The following SGMS1 variants were observed in gnomAD, a reference collection of about 807,000 sequenced individuals.
SGMS1 encodes phosphatidylcholine:ceramide cholinephosphotransferase 1.
A neutral mutation model predicts 46.2 loss-of-function variants in SGMS1; 13 were observed. The observed-to-expected ratio is 0.28, with a 90% CI of 0.18 to 0.45. SGMS1 has a LOEUF of 0.45. SGMS1 is among the 20% of genes least tolerant of loss of function. The pLI is 1.00. For synonymous variants in SGMS1, 203 were observed against 187.8 expected (o/e 1.08, Z -0.66); for missense variants, 324 against 519.9 (o/e 0.62, Z 3.66).
At chr10:50,433,362 AG>A (rs1415001810) in intron 6 of SGMS1, 113 bp downstream of exon 6, 5 of 152,284 alleles carry the variant, frequency 3.3e-5, no homozygotes, top group African/African-American at 9.6e-5. Context: ...TTTATAAAAT[AG>A]TTTCTCTTTT....
chr10:50,343,532 C>A lies in SGMS1; in HGVS notation c.583G>T (p.Val195Leu). ...SICEINGMILVGLWLIQWLLL... is the reference protein window; with the variant it reads ...SICEINGMILLGLWLIQWLLL... Reference sequence around the variant, plus strand: ...AGCCACTGAATTAACCAGAGTCCTACAAGGATCATGCCATTAATTTCACAA... The same window carrying A: ...AGCCACTGAATTAACCAGAGTCCTAAAAGGATCATGCCATTAATTTCACAA... Residue 195 changes from valine to leucine, a missense_variant, in exon 7 of 11, where the codon GTA becomes TTA. Coordinates refer to ENST00000361781, the MANE Select transcript of SGMS1 (RefSeq NM_147156.4). 1 of 1,613,780 alleles carries A rather than the reference C, an allele frequency of 6.2e-7. No homozygotes were observed. Among genetic ancestry groups the A allele is most frequent in the South Asian group, 1.1e-5 (1 of 91,048 alleles).
At position 50,602,288 on chromosome 10, in the gene SGMS1, G is replaced by A. The variant is rs184303795; in HGVS notation, c.-683-12041C>T. On this transcript the variant is annotated intron_variant, in intron 1 of 10. Transcript: ENST00000361781. The stretch of plus-strand genomic sequence containing the variant: ...CCTACTTCCAATAACCAGCCACTCT[G>A]TGGCTCTGCAAATGCAGGGAGAATG... 2.6e-5 allele frequency among the ~76,000 whole-genome samples: 4 copies of A among 152,316 alleles called. No individual in the cohort carries two copies. The East Asian group carries it at 5.8e-4, about 22-fold the overall frequency.
At chr10:50,504,654 G>C (rs1018885158) in intron 3 of SGMS1, among the ~76,000 whole-genome samples, 1 of 152,036 alleles carries the variant, frequency 6.6e-6, no homozygotes, top group African/African-American at 2.4e-5. Flanking sequence ...AGCTATACTT[G>C]TAACCACTAT....
chr10:50,546,332 G>C (rs1360991757), intron 2 of SGMS1, among the ~76,000 whole-genome samples: 1 of 152,142 alleles, frequency 6.6e-6, no homozygotes, highest in Non-Finnish European at 1.5e-5. Context: ...TAGGGCTCTA[G>C]AACTAGAAAT....
chr10:50,318,351 C>T (rs974003062), intron 8 of SGMS1, among the ~76,000 whole-genome samples: 20 of 152,188 alleles, frequency 1.3e-4, no homozygotes, highest in African/African-American at 4.8e-4. Flanking sequence ...AGTTTTCTCA[C>T]CTGTAAAATG....
At chr10:50,510,023 T>C (rs1213489805) in intron 3 of SGMS1, among the ~76,000 whole-genome samples, 1 of 152,186 alleles carries the variant, frequency 6.6e-6, no homozygotes, top group Non-Finnish European at 1.5e-5. Flanking sequence ...ATTTCATTTA[T>C]CTCAAAAATT....
At chr10:50,480,406 C>T (rs1365683440) in intron 3 of SGMS1, among the ~76,000 whole-genome samples, 3 of 151,798 alleles carry the variant, frequency 2.0e-5, no homozygotes, top group East Asian at 1.9e-4. Flanking sequence ...AGAATGAAAA[C>T]GGCGAATGAA....
At chr10:50,598,547 A>G (rs1838618209) in intron 1 of SGMS1, among the ~76,000 whole-genome samples, 1 of 152,224 alleles carries the variant, frequency 6.6e-6, no homozygotes, top group South Asian at 2.1e-4. Context: ...ATGGCTGGAT[A>G]TCTGACAGTT....
chr10:50,414,873 C>G (rs1403813377), intron 6 of SGMS1, among the ~76,000 whole-genome samples: 1 of 152,240 alleles, frequency 6.6e-6, no homozygotes, highest in Non-Finnish European at 1.5e-5. Flanking sequence ...CATTACGCCA[C>G]TGATCATCCC....
intron 6 of SGMS1, among the ~76,000 whole-genome samples, chr10:50,427,987 A>ATG (rs149882980): frequency 1.5e-4 from 23 of 150,484 alleles, no homozygotes; most frequent in East Asian, 9.7e-4. Context: ...GAGAGAGAGA[A>ATG]TGTGTGTGTG....
chr10:50,593,584 A>G (rs1838562786), intron 1 of SGMS1, among the ~76,000 whole-genome samples: 1 of 151,970 alleles, frequency 6.6e-6, no homozygotes, highest in Admixed American at 6.6e-5. Flanking sequence ...TTCCACCACC[A>G]AGATTCACCA....
chr10:50,569,754 A>G (rs1162189101), intron 2 of SGMS1, among the ~76,000 whole-genome samples: 1 of 152,202 alleles, frequency 6.6e-6, no homozygotes, highest in Non-Finnish European at 1.5e-5. Flanking sequence ...GCATGTGGTC[A>G]TTAAAATCAT....
chr10:50,431,995 C>T (rs78302532), intron 6 of SGMS1, among the ~76,000 whole-genome samples: 275 of 152,286 alleles, frequency 1.8e-3, no homozygotes, highest in African/African-American at 6.4e-3. Flanking sequence ...ATTCCAGAAA[C>T]AATATGAGCA....
chr10:50,353,507 C>G (rs927914368), intron 6 of SGMS1, among the ~76,000 whole-genome samples: 2 of 152,418 alleles, frequency 1.3e-5, no homozygotes, highest in South Asian at 2.1e-4. Context: ...AAACTGGAAG[C>G]ATTCCCTTTG....
intron 6 of SGMS1, among the ~76,000 whole-genome samples, chr10:50,407,588 C>T (rs1036327051): frequency 1.5e-4 from 23 of 152,174 alleles, no homozygotes; most frequent in African/African-American, 5.3e-4. Flanking sequence ...CCTGCCATTG[C>T]ATCACCTGTG....
chr10:50,604,037 G>A (rs113325243), intron 1 of SGMS1, among the ~76,000 whole-genome samples: 148 of 152,186 alleles, frequency 9.7e-4, no homozygotes, highest in African/African-American at 3.2e-3. Flanking sequence ...TAATCTAAAC[G>A]TCAACATTTC....
intron 5 of SGMS1, among the ~76,000 whole-genome samples, chr10:50,451,656 G>C (rs936663754): frequency 6.6e-5 from 10 of 151,862 alleles, no homozygotes; most frequent in African/African-American, 9.7e-5. Flanking sequence ...ATATAACATG[G>C]GATTCTGAAG....
chr10:50,364,267 T>A (rs971991281), intron 6 of SGMS1, among the ~76,000 whole-genome samples: 5 of 152,100 alleles, frequency 3.3e-5, no homozygotes, highest in African/African-American at 4.8e-5. Context: ...AGAGAAAATT[T>A]AAAAAAATTA....
At chr10:50,582,254 A>G (rs1838441792) in intron 2 of SGMS1, among the ~76,000 whole-genome samples, 1 of 152,232 alleles carries the variant, frequency 6.6e-6, no homozygotes, top group African/African-American at 2.4e-5. Context: ...TATTGTCCTC[A>G]GAGAACAGCA....
Sources: gnomAD v4.1 joint callset for allele counts (sites outside exome capture counted in the v4.1 genomes callset) on GRCh38, gnomAD v4.1.1 for gene constraint, MANE v1.5 for transcripts, NCBI Gene and HGNC (gene_info 2026-07-23, HGNC 2026-07-21) for gene names.